STK3: variants seen among roughly 807,000 people sequenced by gnomAD.
STK3 encodes the protein serine/threonine kinase 3.
Under a neutral mutation model 58.0 loss-of-function variants are expected in STK3, and 41 were observed. That is an observed-to-expected ratio of 0.71 (90% CI 0.55 to 0.92). The LOEUF (loss-of-function observed/expected upper bound fraction) is 0.92. Among genes scored for constraint, STK3 ranks in the 40% least tolerant of loss-of-function variants. The pLI, the probability that STK3 is intolerant of heterozygous loss-of-function variation, is 0.00. For missense variants in STK3, 479 were observed against 602.7 expected, an observed-to-expected ratio of 0.79 and a Z score of 2.15; for synonymous variants, 170 against 191.0, an observed-to-expected ratio of 0.89 and a Z score of 0.91.
intron 10 of STK3, among the ~76,000 whole-genome samples, chr8:98,475,649 A>T (rs1189265244): frequency 6.6e-6 from 1 of 152,240 alleles, no homozygotes; most frequent in Non-Finnish European, 1.5e-5. Context: ...CAACTCTCTT[A>T]AGGAGGTTTT....
intron 8 of STK3, among the ~76,000 whole-genome samples, chr8:98,567,648 A>AT (rs202174938): frequency 0.027 from 4,052 of 152,056 alleles, 79 homozygotes; most frequent in Middle Eastern, 0.065. Context: ...ACAAACTATG[A>AT]TTTTTTCTTT....
intron 10 of STK3, among the ~76,000 whole-genome samples, chr8:98,508,350 A>C (rs1314630965): frequency 1.3e-5 from 2 of 152,190 alleles, no homozygotes; most frequent in Non-Finnish European, 2.9e-5. Context: ...TATCTACTAG[A>C]AAGGTAGAAG....
At chr8:98,700,743 T>C (rs1825522297) in intron 6 of STK3, among the ~76,000 whole-genome samples, 1 of 152,208 alleles carries the variant, frequency 6.6e-6, no homozygotes, top group African/African-American at 2.4e-5. Context: ...TCTATTTTCT[T>C]TCCTTTGCCT....
chr8:98,839,880 GA>G (rs1165837237), intron 3 of STK3, among the ~76,000 whole-genome samples: 1 of 152,008 alleles, frequency 6.6e-6, no homozygotes, highest in Non-Finnish European at 1.5e-5. Flanking sequence ...AAAAAAAATA[GA>G]TTTTTCTGCC....
chr8:98,941,853 C>A (rs545551968), intron 1 of STK3, among the ~76,000 whole-genome samples: 93 of 152,370 alleles, frequency 6.1e-4, no homozygotes, highest in Admixed American at 2.3e-3. Flanking sequence ...TGTCGCAAGT[C>A]CAGAGCCGCG....
At chr8:98,593,870 G>A (rs1172332324) in intron 7 of STK3, among the ~76,000 whole-genome samples, 1 of 151,874 alleles carries the variant, frequency 6.6e-6, no homozygotes, top group Admixed American at 6.6e-5. Flanking sequence ...ACTCTAATGA[G>A]GCCAAAGATA....
chr8:98,521,711 T>C (rs566958674), intron 10 of STK3, among the ~76,000 whole-genome samples: 3 of 152,282 alleles, frequency 2.0e-5, no homozygotes, highest in Admixed American at 6.5e-5. Context: ...ACCACAGACT[T>C]GAAGGTCTCT....
In STK3 at chr8:98,710,342, G is replaced by A. The variant is rs186345266; in HGVS notation, c.352-3031C>T. Among the ~76,000 whole-genome samples, 226 of 152,316 alleles carry A rather than the reference G, an allele frequency of 1.5e-3. 1 individual carries two copies. The highest frequency in any genetic ancestry group is 5.3e-3 in the African/African-American group (221 of 41,578). ...TGAGCATGAGCTGAAGCAGGGCGGGGCATCACCTCACCTGGGAAGTGCAAG... is the reference window on the plus strand; with the variant it reads ...TGAGCATGAGCTGAAGCAGGGCGGGACATCACCTCACCTGGGAAGTGCAAG... On this transcript the variant is annotated intron_variant, in intron 4 of 10. Transcript: ENST00000419617.
chr8:98,696,521 G>C (rs191494722), intron 6 of STK3, among the ~76,000 whole-genome samples: 40 of 152,078 alleles, frequency 2.6e-4, no homozygotes, highest in East Asian at 9.7e-4. Context: ...ATTATTTTGA[G>C]ATACGTCCCA....
At chr8:98,764,482 T>C (rs1182010904) in intron 3 of STK3, among the ~76,000 whole-genome samples, 1 of 152,146 alleles carries the variant, frequency 6.6e-6, no homozygotes, top group African/African-American at 2.4e-5. Context: ...AGAAGGAAAA[T>C]CTACAAGACT....
intron 1 of STK3, among the ~76,000 whole-genome samples, chr8:98,886,011 T>C (rs776517014): frequency 7.2e-5 from 11 of 152,280 alleles, no homozygotes; most frequent in Non-Finnish European, 1.5e-4. Flanking sequence ...GACCAGATGA[T>C]AGACATAGAG....
At chr8:98,385,352 C>T (rs1218661786) in intron 1 of STK3, among the ~76,000 whole-genome samples, 1 of 152,158 alleles carries the variant, frequency 6.6e-6, no homozygotes, top group Non-Finnish European at 1.5e-5. Context: ...GTAGAAATGG[C>T]TACATGGGGT....
intron 6 of STK3, among the ~76,000 whole-genome samples, chr8:98,637,791 C>CA (rs1225910344): frequency 6.6e-6 from 1 of 152,082 alleles, no homozygotes; most frequent in Non-Finnish European, 1.5e-5. Context: ...CAAACCCACA[C>CA]AAAAAAAGAT....
chr8:98,771,514 G>T (rs866027039), intron 2 of STK3, among the ~76,000 whole-genome samples: 1 of 150,868 alleles, frequency 6.6e-6, no homozygotes, highest in South Asian at 2.1e-4. Context: ...ATTGTAAGAG[G>T]TTTAATTATT....
intron 3 of STK3, among the ~76,000 whole-genome samples, chr8:98,863,177 G>C (rs1419892527): frequency 2.6e-5 from 4 of 152,218 alleles, no homozygotes; most frequent in Non-Finnish European, 5.9e-5. Context: ...ACAACATCAA[G>C]ATAATATGAA....
chr8:98,705,508 G>A lies in STK3; in HGVS notation c.684+959C>T, dbSNP rs539304520. Among the ~76,000 whole-genome samples the A allele has an allele frequency of 3.3e-5, 5 of 151,262 alleles. No individual in the cohort carries two copies. The East Asian group carries it at 7.8e-4, about 23-fold the overall frequency. ...ATAATACACTGTTACCTATATTATC[G>A]AAATTTAACCCACAATGGCATTATA... On this transcript the variant is annotated intron_variant, in intron 6 of 10. Transcript: ENST00000419617.
At chr8:98,366,002 T>G in the STK3 span, among the ~76,000 whole-genome samples, 1 of 152,198 alleles carries the variant, frequency 6.6e-6, no homozygotes, top group Admixed American at 6.5e-5. Context: ...TGTACAGGAA[T>G]TTCCCTAAGA....
intron 6 of STK3, among the ~76,000 whole-genome samples, chr8:98,694,602 T>C (rs1824703519): frequency 6.6e-6 from 1 of 152,186 alleles, no homozygotes; most frequent in South Asian, 2.1e-4. Flanking sequence ...CATGTGGTGT[T>C]TGGTTTCTTG....
chr8:98,690,751 G>C (rs1257082104), intron 6 of STK3, among the ~76,000 whole-genome samples: 1 of 152,090 alleles, frequency 6.6e-6, no homozygotes, highest in Non-Finnish European at 1.5e-5. Flanking sequence ...GCAATTCTAA[G>C]CAAAAAGAAC....
Sources: allele counts gnomAD v4.1 joint callset (sites outside exome capture counted in the v4.1 genomes callset), GRCh38; gene constraint gnomAD v4.1.1; transcripts MANE v1.5; gene names NCBI Gene and HGNC (gene_info 2026-07-23, HGNC 2026-07-21).